Variants in SLC7A1 observed in about 807,000 individuals in gnomAD.
SLC7A1 encodes high affinity cationic amino acid transporter 1.
Under a neutral mutation model 53.9 loss-of-function variants are expected in SLC7A1, and 10 were observed. That is an observed-to-expected ratio of 0.19 (90% CI 0.11 to 0.31). The LOEUF (loss-of-function observed/expected upper bound fraction) is 0.31, where lower values mean the gene tolerates loss of function less well. Ranked by LOEUF, SLC7A1 falls within the 10% of genes least tolerant of loss-of-function variation. The pLI, the probability that SLC7A1 is intolerant of heterozygous loss-of-function variation, is 1.00. For synonymous variants in SLC7A1, 342 were observed against 338.7 expected (o/e 1.01, Z -0.11); for missense variants, 525 against 827.2 (o/e 0.63, Z 4.48).
chr13:29,549,858 G>A (rs1870095292), intron 2 of SLC7A1, among the ~76,000 whole-genome samples: 1 of 152,090 alleles, frequency 6.6e-6, no homozygotes, highest in East Asian at 1.9e-4. Flanking sequence ...GTAGAGACGG[G>A]GTTTCACCAT....
chr13:29,523,463 C>G lies in SLC7A1; in HGVS notation c.852G>C (p.Lys284Asn). Residue 284 changes from lysine to asparagine, a missense_variant, in exon 7 of 13, where the codon AAG (lysine) becomes AAC (asparagine). Transcript: ENST00000380752. ...TTGEEVKNPQKAIPVGIVASL... is the reference protein window; with the variant it reads ...TTGEEVKNPQNAIPVGIVASL... ...ACGCCACGATCCCCACGGGGATGGCCTTCTGTGGGTTCTTCACCTCTTCAC... is the reference window on the plus strand; with the variant it reads ...ACGCCACGATCCCCACGGGGATGGCGTTCTGTGGGTTCTTCACCTCTTCAC... 6.2e-7 allele frequency: 1 copy of G among 1,613,858 alleles called. No individual in the cohort carries two copies. Among genetic ancestry groups the G allele is most frequent in the Non-Finnish European group, 8.5e-7 (1 of 1,179,906 alleles).
At chr13:29,578,947 G>T (rs891081159) in intron 1 of SLC7A1, among the ~76,000 whole-genome samples, 8 of 152,160 alleles carry the variant, frequency 5.3e-5, no homozygotes, top group Admixed American at 4.6e-4. Context: ...TCTTCATTCC[G>T]CTGGGGAAAA....
intron 12 of SLC7A1, among the ~76,000 whole-genome samples, chr13:29,515,634 C>T (rs1883531481): frequency 6.6e-6 from 1 of 152,282 alleles, no homozygotes; most frequent in African/African-American, 2.4e-5. Flanking sequence ...GGTGAGATGC[C>T]CAGAGGCGTG....
Position 29,590,383 on chromosome 13 carries a change from T to TATACAC in SLC7A1, c.-115+5027_-115+5032dup, listed in dbSNP as rs903597823. On this transcript the variant is annotated intron_variant, in intron 1 of 12. Coordinates refer to ENST00000380752, the MANE Select transcript of SLC7A1 (RefSeq NM_003045.5). ...CCCCCACCAAACACACACACATACA[T>TATACAC]ATACACATACACATACACATACACA... Among the ~76,000 whole-genome samples, 94 of 152,110 alleles carry TATACAC rather than the reference T, an allele frequency of 6.2e-4. No homozygotes were observed. In the South Asian group the frequency reaches 6.4e-3, roughly 10 times the overall value.
In SLC7A1 at chr13:29,523,417, C is replaced by T. The variant is rs763171472; in HGVS notation, c.898G>A (p.Ala300Thr). The T allele has an allele frequency of 1.7e-5, 27 of 1,613,914 alleles. No individual in the cohort carries two copies. The highest frequency in any genetic ancestry group is 2.0e-5 in the Non-Finnish European group (24 of 1,180,018). ...IVASLLICFI[A>T]YFGVSAALTL... ...AGGGCAGCCGACACCCCAAAGTAGGCGATGAAGCAGATCAAGAGGGACGCC... is the reference window on the plus strand; with the variant it reads ...AGGGCAGCCGACACCCCAAAGTAGGTGATGAAGCAGATCAAGAGGGACGCC... Residue 300 changes from alanine to threonine, a missense_variant, in exon 7 of 13, where the codon GCC (alanine) becomes ACC (threonine). Physicochemically the swap from Ala to Thr is moderately conservative, Grantham distance 58. Transcript: ENST00000380752.
chr13:29,591,509 G>C (rs921010363), intron 1 of SLC7A1, among the ~76,000 whole-genome samples: 1 of 152,164 alleles, frequency 6.6e-6, no homozygotes, highest in African/African-American at 2.4e-5. Context: ...CTGCTAGATG[G>C]TTTCTACAAT....
At chr13:29,571,484 A>G (rs1326404763) in intron 1 of SLC7A1, among the ~76,000 whole-genome samples, 2 of 152,246 alleles carry the variant, frequency 1.3e-5, no homozygotes, top group African/African-American at 4.8e-5. Flanking sequence ...AGAGCTGGCC[A>G]TGGCTGTGGC....
chr13:29,542,314 G>C (rs2139116696), intron 2 of SLC7A1, among the ~76,000 whole-genome samples: 1 of 152,244 alleles, frequency 6.6e-6, no homozygotes, highest in African/African-American at 2.4e-5. Flanking sequence ...AATTAGCTGG[G>C]CGTGGTGGCA....
Position 29,540,456 on chromosome 13 carries a change from AC to A in SLC7A1, c.-14-4255del, listed in dbSNP as rs769431629. Among the ~76,000 whole-genome samples the A allele has an allele frequency of 7.9e-5, 12 of 152,138 alleles. 1 individual carries two copies. Among genetic ancestry groups the A allele is most frequent in the Non-Finnish European group, 2.9e-5 (2 of 68,012 alleles). ...ACTACATAACACCAGGAGTAAAATG[AC>A]CCAATGAGTCAGAATTTGAGATAAA... On this transcript the variant is annotated intron_variant, in intron 2 of 12. Coordinates refer to ENST00000380752, the MANE Select transcript of SLC7A1 (RefSeq NM_003045.5).
In SLC7A1 at chr13:29,512,857, C is replaced by T. The variant is rs1370121217; in HGVS notation, c.*1623G>A. ...AAATTCTTGCACTTCTCTCCAAGAA[C>T]CTTCTGGGGGCACAGGGAGGGTACA... On this transcript the variant is annotated 3_prime_UTR_variant, in exon 13 of 13. Coordinates refer to ENST00000380752, the MANE Select transcript of SLC7A1 (RefSeq NM_003045.5). The T allele has an allele frequency of 6.6e-6, 1 of 152,294 alleles. No individual in the cohort carries two copies. Among genetic ancestry groups the T allele is most frequent in the Non-Finnish European group, 1.5e-5 (1 of 68,084 alleles). 9.4% of individuals were successfully genotyped at this position (152,294 alleles called of 1,614,324 possible). A position where few individuals can be genotyped will look rare whatever the true frequency, so the allele number is the denominator to read the frequency against.
At chr13:29,576,292 T>TAAAAAAAAAAAAAAAAAAAAAAAAAAA (rs146432104) in intron 1 of SLC7A1, among the ~76,000 whole-genome samples, 2 of 107,182 alleles carry the variant, frequency 1.9e-5, no homozygotes, top group African/African-American at 9.3e-5. Context: ...ATCCTGTTTT[T>TAAAAAAAAAAAAAAAAAAAAAAAAAAA]TAAAAAAAAA....
chr13:29,562,618 C>T (rs948204008), intron 1 of SLC7A1, among the ~76,000 whole-genome samples: 49 of 152,132 alleles, frequency 3.2e-4, no homozygotes, highest in African/African-American at 1.1e-3. Context: ...TGAACCTGGC[C>T]AACTAACATA....
At chr13:29,530,307 G>A (rs1385421368) in intron 5 of SLC7A1, among the ~76,000 whole-genome samples, 2 of 152,106 alleles carry the variant, frequency 1.3e-5, no homozygotes, top group South Asian at 2.1e-4. Context: ...CTTTTCCTCA[G>A]TCTTTCTTGT....
chr13:29,572,088 C>A (rs1448799244), intron 1 of SLC7A1, among the ~76,000 whole-genome samples: 1 of 152,358 alleles, frequency 6.6e-6, no homozygotes, highest in Non-Finnish European at 1.5e-5. Flanking sequence ...GGCACCAATG[C>A]CCAGGTCTGA....
intron 12 of SLC7A1, among the ~76,000 whole-genome samples, chr13:29,514,824 G>A (rs2026321): frequency 0.07 from 10,607 of 152,312 alleles, 426 homozygotes; most frequent in Middle Eastern, 0.11. Flanking sequence ...CTTATGCTGC[G>A]GTGTTTCCTG....
intron 8 of SLC7A1, among the ~76,000 whole-genome samples, chr13:29,521,293 TA>T (rs1269918900): frequency 6.6e-6 from 1 of 152,256 alleles, no homozygotes; most frequent in Non-Finnish European, 1.5e-5. Context: ...ACTTAGTGAA[TA>T]ATTCATTCAT....
At chr13:29,544,873 G>T (rs901635664) in intron 2 of SLC7A1, among the ~76,000 whole-genome samples, 1 of 151,062 alleles carries the variant, frequency 6.6e-6, no homozygotes, top group Non-Finnish European at 1.5e-5. Context: ...TCATCGGGGG[G>T]GGGGGGCAAG....
In SLC7A1 at chr13:29,552,552, G is replaced by A. The variant is rs193145710; in HGVS notation, c.-15+1209C>T. Among the ~76,000 whole-genome samples the A allele has an allele frequency of 6.6e-5, 10 of 152,230 alleles. No individual in the cohort carries two copies. The East Asian group carries it at 1.7e-3, about 27-fold the overall frequency. ...CCACATTGAAGGTCGTTGGTTTACC[G>A]GAATGAGGGCAAGGAACACCTGGCC... On this transcript the variant is annotated intron_variant, in intron 2 of 12. Transcript: ENST00000380752.
intron 8 of SLC7A1, among the ~76,000 whole-genome samples, chr13:29,521,952 C>CT (rs1047458209): frequency 2.1e-4 from 32 of 152,226 alleles, no homozygotes; most frequent in Admixed American, 1.7e-3. Context: ...TTTCCAGGTA[C>CT]TGGCGAGGTC....
Sources: gnomAD v4.1 joint callset for allele counts (sites outside exome capture counted in the v4.1 genomes callset) on GRCh38, gnomAD v4.1.1 for gene constraint, MANE v1.5 for transcripts, NCBI Gene and HGNC (gene_info 2026-07-23, HGNC 2026-07-21) for gene names.